PTGDR2: variants seen among roughly 807,000 people sequenced by gnomAD.
The protein encoded by PTGDR2 is G-protein coupled receptor 44.
For missense variants in PTGDR2, 544 were observed against 576.6 expected (o/e 0.94, Z 0.58); for synonymous variants, 276 against 278.4 (o/e 0.99, Z 0.09).
rs1855306832 is a variant in PTGDR2 at position 60,853,197 on chromosome 11, G to C, written c.526C>G (p.Leu176Val). 6 of 1,611,646 alleles carry C rather than the reference G, an allele frequency of 3.7e-6. No homozygotes were observed. Among genetic ancestry groups the C allele is most frequent in the Non-Finnish European group, 5.1e-6 (6 of 1,179,906 alleles). Residue 176 changes from leucine (L) to valine (V), a missense_variant, in exon 2 of 2, where the codon CTG becomes GTG. Physicochemically the swap from Leu to Val is conservative, Grantham distance 32 (BLOSUM62 1). Transcript: ENST00000332539. ...TAGTAGCACATAATGCGCCCGTCCA[G>C]CCGCGAGATGGTGTCCCGGAACACG... ...YFVFRDTISR[L>V]DGRIMCYYNV...
At position 60,851,589 on chromosome 11, in the gene PTGDR2, T is replaced by G. The variant is rs1329836792; in HGVS notation, c.*946A>C. On this transcript the variant is annotated 3_prime_UTR_variant, in exon 2 of 2. Coordinates refer to ENST00000332539, the MANE Select transcript of PTGDR2 (RefSeq NM_004778.3). ...CAGGCCGACAGGGAGGCTGGTCCGCTTAGCTAAGAAATGACGTGTGCTGTA... is the reference window on the plus strand; with the variant it reads ...CAGGCCGACAGGGAGGCTGGTCCGCGTAGCTAAGAAATGACGTGTGCTGTA... The G allele has an allele frequency of 6.6e-6, 1 of 152,264 alleles. No individual in the cohort carries two copies. Among genetic ancestry groups the G allele is most frequent in the African/African-American group, 2.4e-5 (1 of 41,456 alleles). 9.4% of individuals were successfully genotyped at this position (152,264 alleles called of 1,614,324 possible). A position where few individuals can be genotyped will look rare whatever the true frequency, so the allele number is the denominator to read the frequency against.
Position 60,852,809 on chromosome 11 carries a change from A to T in PTGDR2, c.914T>A (p.Val305Glu). Reference protein sequence around the residue: ...FNSVANPVLYVLTCPDMLRKL... With the variant: ...FNSVANPVLYELTCPDMLRKL... ...GCGCAGCATGTCGGGGCAGGTGAGCACGTAGAGCACCGGGTTGGCCACGCT... is the reference window on the plus strand; with the variant it reads ...GCGCAGCATGTCGGGGCAGGTGAGCTCGTAGAGCACCGGGTTGGCCACGCT... The change falls in exon 2 of 2, where the codon GTG becomes GAG. Residue 305 changes from valine to glutamate, a missense_variant. Physicochemically the swap from Val to Glu is moderately radical, Grantham distance 121 (BLOSUM62 -2). Coordinates refer to ENST00000332539, the MANE Select transcript of PTGDR2 (RefSeq NM_004778.3). 6.4e-7 allele frequency: 1 copy of T among 1,559,384 alleles called. No individual in the cohort carries two copies. Among genetic ancestry groups the T allele is most frequent in the Non-Finnish European group, 8.7e-7 (1 of 1,153,110 alleles).
At position 60,853,015 on chromosome 11, in the gene PTGDR2, G is replaced by A. The variant is rs759318369; in HGVS notation, c.708C>T (p.Arg236=). The A allele has an allele frequency of 1.2e-4, 180 of 1,487,276 alleles. No individual in the cohort carries two copies. Among genetic ancestry groups the A allele is most frequent in the Non-Finnish European group, 1.2e-4 (139 of 1,121,666 alleles). The allele number at this position is 1,487,276 out of a possible 1,614,324, so 92.1% of individuals were successfully genotyped here. A position where few individuals can be genotyped will look rare whatever the true frequency, so the allele number is the denominator to read the frequency against. Residue 236 remains arginine (R), a synonymous_variant, in exon 2 of 2, where the codon CGC becomes CGT. Coordinates refer to ENST00000332539, the MANE Select transcript of PTGDR2 (RefSeq NM_004778.3). ...CGAAGCGGCCTGGCCGCCGGCGGCC[G>A]CGGTGCTGCAACCGCAGGCTCACGG... ...HAAVSLRLQH[R]GRRRPGRFVR... is the part of the protein sequence containing the mutation.
At chr11:60,855,215 G>A (rs908212618) in intron 1 of PTGDR2, among the ~76,000 whole-genome samples, 5 of 152,176 alleles carry the variant, frequency 3.3e-5, no homozygotes, top group African/African-American at 9.7e-5. Context: ...TTTTTCAGAA[G>A]AAGAAACAAC....
At chr11:60,853,921 T>G (rs557822128) in intron 1 of PTGDR2, among the ~76,000 whole-genome samples, 190 bp from the exon 2 acceptor site, 20 of 152,326 alleles carry the variant, frequency 1.3e-4, no homozygotes, top group African/African-American at 4.6e-4. Context: ...TTCCCGAGCC[T>G]TTTTCTGCCT....
At position 60,853,626 on chromosome 11, in the gene PTGDR2, G is replaced by T. The variant is rs1377512340; in HGVS notation, c.97C>A (p.His33Asn). 1.1e-5 allele frequency: 17 copies of T among 1,557,130 alleles called. No homozygotes were observed. Among genetic ancestry groups the T allele is most frequent in the Non-Finnish European group, 1.5e-5 (17 of 1,149,974 alleles). The change falls in exon 2 of 2, where the codon CAC becomes AAC. Residue 33 changes from histidine to asparagine, a missense_variant. His to Asn is a moderately conservative substitution (Grantham distance 68). Transcript: ENST00000332539. ...HSNTSIRYID[H>N]AAVLLHGLAS... ...AGCCCGTGCAGCAGCACGGCCGCGT[G>T]GTCGATGTAGCGGATGCTGGTGTTG...
rs1327091959 is a variant in PTGDR2, at chr11:60,853,003, C to T, written c.720G>A (p.Arg240=). ...SLRLQHRGRR[R]PGRFVRLVAA... Reference sequence around the variant, plus strand: ...CCACCAGGCGCACGAAGCGGCCTGGCCGCCGGCGGCCGCGGTGCTGCAACC... The same window carrying T: ...CCACCAGGCGCACGAAGCGGCCTGGTCGCCGGCGGCCGCGGTGCTGCAACC... Residue 240 remains arginine (R), a synonymous_variant, in exon 2 of 2, where the codon CGG becomes CGA. Transcript: ENST00000332539. 1 of 1,442,646 alleles carries T rather than the reference C, an allele frequency of 6.9e-7. No homozygotes were observed. The highest frequency in any genetic ancestry group is 1.5e-5 in the African/African-American group (1 of 67,378). The allele number at this position is 1,442,646 out of a possible 1,614,324, so 89.4% of individuals were successfully genotyped here. A position where few individuals can be genotyped will look rare whatever the true frequency, so the allele number is the denominator to read the frequency against.
Position 60,853,478 on chromosome 11 carries a change from G to A in PTGDR2, c.245C>T (p.Ala82Val), listed in dbSNP as rs777269301. 1 of 1,565,700 alleles carries A rather than the reference G, an allele frequency of 6.4e-7. No homozygotes were observed. Among genetic ancestry groups the A allele is most frequent in the African/African-American group, 1.4e-5 (1 of 74,006 alleles). ...HLALSDLLAS[A>V]SLPFFTYFLA... is the part of the protein sequence containing the mutation. ...GAAGTAGGTGAAGAAGGGCAGGGAA[G>A]CAGAGGCCAACAGGTCGGACAGCGC... Residue 82 changes from alanine to valine, a missense_variant, in exon 2 of 2, where the codon GCT (alanine) becomes GTT (valine). Ala to Val is a moderately conservative substitution (Grantham distance 64). Coordinates refer to ENST00000332539, the MANE Select transcript of PTGDR2 (RefSeq NM_004778.3).
At chr11:60,854,761 G>A (rs996952063) in intron 1 of PTGDR2, among the ~76,000 whole-genome samples, 1 of 152,194 alleles carries the variant, frequency 6.6e-6, no homozygotes, top group Non-Finnish European at 1.5e-5. Flanking sequence ...AATGGTGCTA[G>A]TACTCCATCC....
chr11:60,852,640 C>A lies in PTGDR2; in HGVS notation c.1083G>T (p.Glu361Asp). The change falls in exon 2 of 2, where the codon GAG becomes GAT. Residue 361 changes from glutamate (E) to aspartate (D), a missense_variant. By Grantham distance (45) the Glu-to-Asp change is conservative. Coordinates refer to ENST00000332539, the MANE Select transcript of PTGDR2 (RefSeq NM_004778.3). ...GGAGACGCGCGGGGCCCCGCGGTTC[C>A]TCCGGGCGGCTGCAGAGAGCTAAAG... ...ASPLALCSRP[E>D]EPRGPARLLG... The A allele has an allele frequency of 7.5e-7, 1 of 1,339,088 alleles. No individual in the cohort carries two copies. Among genetic ancestry groups the A allele is most frequent in the Non-Finnish European group, 9.6e-7 (1 of 1,041,538 alleles). The allele number at this position is 1,339,088 out of a possible 1,614,324, so 83.0% of individuals were successfully genotyped here.
Position 60,852,573 on chromosome 11 carries a change from C to T in PTGDR2, c.1150G>A (p.Gly384Ser). Residue 384 changes from glycine to serine, a missense_variant, in exon 2 of 2, where the codon GGC becomes AGC. Transcript: ENST00000332539. The part of the protein sequence containing the change: ...LGSCAASPQT[G>S]PLNRALSSTS... Reference sequence around the variant, plus strand: ...CTGCTCAGCGCCCGGTTCAGGGGGCCCGTCTGCGGGGACGCTGCGCAGCTG... The same window carrying T: ...CTGCTCAGCGCCCGGTTCAGGGGGCTCGTCTGCGGGGACGCTGCGCAGCTG... The T allele has an allele frequency of 7.8e-7, 1 of 1,283,932 alleles. No individual in the cohort carries two copies. Among genetic ancestry groups the T allele is most frequent in the Non-Finnish European group, 9.8e-7 (1 of 1,016,268 alleles). 79.5% of individuals were successfully genotyped at this position (1,283,932 alleles called of 1,614,324 possible).
chr11:60,854,474 C>T (rs553268592), intron 1 of PTGDR2, among the ~76,000 whole-genome samples: 3 of 152,244 alleles, frequency 2.0e-5, no homozygotes, highest in South Asian at 2.1e-4. Context: ...CAGCTCTCTC[C>T]GCCCCAGGAA....
chr11:60,852,771 A>G lies in PTGDR2; in HGVS notation c.952T>C (p.Ser318Pro). The change falls in exon 2 of 2, where the codon TCG becomes CCG. Residue 318 changes from serine to proline, a missense_variant. By Grantham distance (74) the Ser-to-Pro change is moderately conservative (BLOSUM62 -1). Coordinates refer to ENST00000332539, the MANE Select transcript of PTGDR2 (RefSeq NM_004778.3). ...ACGCTCTCCAGCACCGTGCGCAGCG[A>G]GCGCCGCAGCTTGCGCAGCATGTCG... ...CPDMLRKLRR[S>P]LRTVLESVLV... 1.9e-6 allele frequency: 3 copies of G among 1,544,974 alleles called. No individual in the cohort carries two copies. The highest frequency in any genetic ancestry group is 2.6e-6 in the Non-Finnish European group (3 of 1,145,800).
rs565073697 is a variant in PTGDR2 at position 60,852,206 on chromosome 11, C to T, written c.*329G>A. Reference sequence around the variant, plus strand: ...TTATGAGTTTCACTTTGTGTTACTCCAGGCCTCGCCTGTGAACCTGCCGCA... The same window carrying T: ...TTATGAGTTTCACTTTGTGTTACTCTAGGCCTCGCCTGTGAACCTGCCGCA... On this transcript the variant is annotated 3_prime_UTR_variant, in exon 2 of 2. Coordinates refer to ENST00000332539, the MANE Select transcript of PTGDR2 (RefSeq NM_004778.3). 4.5e-4 allele frequency: 137 copies of T among 305,478 alleles called. No homozygotes were observed. The highest frequency in any genetic ancestry group is 2.6e-3 in the Middle Eastern group (3 of 1,176). The allele number at this position is 305,478 out of a possible 1,614,324, so 18.9% of individuals were successfully genotyped here. A position where few individuals can be genotyped will look rare whatever the true frequency, so the allele number is the denominator to read the frequency against.
Position 60,853,007 on chromosome 11 carries a change from C to T in PTGDR2, c.716G>A (p.Arg239Gln), listed in dbSNP as rs774333725. The T allele has an allele frequency of 4.8e-6, 7 of 1,447,704 alleles. No homozygotes were observed. The highest frequency in any genetic ancestry group is 2.2e-4 in the Middle Eastern group (1 of 4,618). The allele number at this position is 1,447,704 out of a possible 1,614,324, so 89.7% of individuals were successfully genotyped here. A position where few individuals can be genotyped will look rare whatever the true frequency, so the allele number is the denominator to read the frequency against. ...CAGGCGCACGAAGCGGCCTGGCCGC[C>T]GGCGGCCGCGGTGCTGCAACCGCAG... ...VSLRLQHRGR[R>Q]RPGRFVRLVA... The change falls in exon 2 of 2, where the codon CGG (arginine) becomes CAG (glutamine). Residue 239 changes from arginine to glutamine, a missense_variant. Transcript: ENST00000332539.
At position 60,852,522 on chromosome 11, in the gene PTGDR2, C is replaced by T. The variant is rs1855285057; in HGVS notation, c.*13G>A. On this transcript the variant is annotated 3_prime_UTR_variant, in exon 2 of 2. Coordinates refer to ENST00000332539, the MANE Select transcript of PTGDR2 (RefSeq NM_004778.3). ...ACTTTCGCGTGTGAGTGCCGCCCTA[C>T]GTGGGCCGGGTTCTAACTCGAGGTG... The T allele has an allele frequency of 3.2e-6, 4 of 1,258,998 alleles. No homozygotes were observed. The South Asian group carries it at 1.3e-4, about 42-fold the overall frequency. 78.0% of individuals were successfully genotyped at this position (1,258,998 alleles called of 1,614,324 possible).
In PTGDR2 at chr11:60,853,012, G is replaced by A; in HGVS notation, c.711C>T (p.Gly237=). ...AAVSLRLQHR[G]RRRPGRFVRL... is the part of the protein sequence containing the mutation. ...GCACGAAGCGGCCTGGCCGCCGGCG[G>A]CCGCGGTGCTGCAACCGCAGGCTCA... Residue 237 remains glycine (G), a synonymous_variant, in exon 2 of 2, where the codon GGC becomes GGT. Transcript: ENST00000332539. The A allele has an allele frequency of 6.8e-7, 1 of 1,465,268 alleles. No homozygotes were observed. The allele number at this position is 1,465,268 out of a possible 1,614,324, so 90.8% of individuals were successfully genotyped here.
In PTGDR2 at chr11:60,852,691, G is replaced by A. The variant is rs775731457; in HGVS notation, c.1032C>T (p.Thr344=). The A allele has an allele frequency of 9.8e-6, 14 of 1,429,762 alleles. No homozygotes were observed. The highest frequency in any genetic ancestry group is 1.3e-5 in the Non-Finnish European group (14 of 1,082,688). 88.6% of individuals were successfully genotyped at this position (1,429,762 alleles called of 1,614,324 possible). A position where few individuals can be genotyped will look rare whatever the true frequency, so the allele number is the denominator to read the frequency against. The change falls in exon 2 of 2, where the codon ACC becomes ACT. Residue 344 remains threonine, a synonymous_variant. Transcript: ENST00000332539. The part of the protein sequence containing the change: ...GGAGSSRRRR[T]SSTARSASPL... Reference sequence around the variant, plus strand: ...GGGAGGCCGAGCGGGCGGTGGAGGAGGTGCGGCGGCGGCGGCTGCTTCCCG... The same window carrying A: ...GGGAGGCCGAGCGGGCGGTGGAGGAAGTGCGGCGGCGGCGGCTGCTTCCCG...
At position 60,853,732 on chromosome 11, in the gene PTGDR2, C is replaced by G. The variant is rs1855318352; in HGVS notation, c.-9-1G>C. 4.6e-6 allele frequency: 7 copies of G among 1,527,672 alleles called. No individual in the cohort carries two copies. The South Asian group carries it at 8.4e-5, about 18-fold the overall frequency. 94.6% of individuals were successfully genotyped at this position (1,527,672 alleles called of 1,614,324 possible). A position where few individuals can be genotyped will look rare whatever the true frequency, so the allele number is the denominator to read the frequency against. ...TGGCGTTGGCCGACATCGTGGGGCT[C>G]TGCAGTGGAGGGAAGGAGGCGCCTA... On this transcript the variant is annotated splice_acceptor_variant, in intron 1 of 1. Transcript: ENST00000332539. LOFTEE classifies it low-confidence loss of function (5UTR_SPLICE).
Sources: gnomAD v4.1 joint callset for allele counts (sites outside exome capture counted in the v4.1 genomes callset) on GRCh38, gnomAD v4.1.1 for gene constraint, MANE v1.5 for transcripts, NCBI Gene and HGNC (gene_info 2026-07-23, HGNC 2026-07-21) for gene names.